The following KCTD16 variants were observed in gnomAD, a reference collection of about 807,000 sequenced individuals.
The protein encoded by KCTD16 is BTB/POZ domain-containing protein KCTD16.
A neutral mutation model predicts 33.2 loss-of-function variants in KCTD16; 13 were observed. That is an observed-to-expected ratio of 0.39 (90% CI 0.25 to 0.62). The LOEUF (loss-of-function observed/expected upper bound fraction) is 0.62, where lower values mean the gene tolerates loss of function less well. KCTD16 is among the 20% of genes least tolerant of loss of function. KCTD16 has a pLI of 0.50. For synonymous variants in KCTD16, 197 were observed against 195.3 expected, an observed-to-expected ratio of 1.01 and a Z score of -0.07; for missense variants, 441 against 525.1, an observed-to-expected ratio of 0.84 and a Z score of 1.57.
intron 3 of KCTD16, among the ~76,000 whole-genome samples, chr5:144,313,551 C>T (rs1366688362): frequency 2.0e-5 from 3 of 152,142 alleles, no homozygotes; most frequent in African/African-American, 7.2e-5. Context: ...TTTTTTAAAA[C>T]TGTGAGAACA....
intron 3 of KCTD16, among the ~76,000 whole-genome samples, chr5:144,424,652 G>A (rs180745906): frequency 5.3e-5 from 8 of 152,258 alleles, no homozygotes; most frequent in Admixed American, 2.0e-4. Context: ...ATTCAAGAGC[G>A]TGGCTTTGGT....
intron 3 of KCTD16, among the ~76,000 whole-genome samples, chr5:144,258,966 A>T (rs1754925981): frequency 6.6e-6 from 1 of 152,140 alleles, no homozygotes; most frequent in Non-Finnish European, 1.5e-5. Flanking sequence ...GAGCCATAAA[A>T]AAAGGGATGA....
At chr5:144,230,033 A>G (rs990534103) in intron 3 of KCTD16, among the ~76,000 whole-genome samples, 6 of 152,264 alleles carry the variant, frequency 3.9e-5, no homozygotes, top group Admixed American at 6.5e-5. Flanking sequence ...TCCTAGCTAC[A>G]TGGGAGGCTG....
At chr5:144,398,735 T>C (rs1265949266) in intron 3 of KCTD16, among the ~76,000 whole-genome samples, 1 of 146,700 alleles carries the variant, frequency 6.8e-6, no homozygotes, top group African/African-American at 2.7e-5. Context: ...CTCTCTCTTA[T>C]ATAAATGTAC....
intron 3 of KCTD16, among the ~76,000 whole-genome samples, chr5:144,219,089 T>C (rs2126801286): frequency 6.6e-6 from 1 of 152,288 alleles, no homozygotes; most frequent in East Asian, 1.9e-4. Flanking sequence ...TCCCTCCACA[T>C]AAAAGGGGGA....
chr5:144,365,778 A>G (rs1033038896), intron 3 of KCTD16, among the ~76,000 whole-genome samples: 11 of 152,204 alleles, frequency 7.2e-5, no homozygotes, highest in African/African-American at 2.4e-4. Context: ...AAGGTATATT[A>G]GAGAACTTAT....
chr5:144,245,970 A>C (rs1442429901), intron 3 of KCTD16, among the ~76,000 whole-genome samples: 2 of 152,156 alleles, frequency 1.3e-5, no homozygotes, highest in African/African-American at 4.8e-5. Context: ...TAACATGGGG[A>C]CACAAGATGG....
At chr5:144,243,902 C>G (rs1191631544) in intron 3 of KCTD16, among the ~76,000 whole-genome samples, 1 of 152,080 alleles carries the variant, frequency 6.6e-6, no homozygotes, top group South Asian at 2.1e-4. Flanking sequence ...CGCCATCACG[C>G]CCGGCTAATT....
intron 3 of KCTD16, among the ~76,000 whole-genome samples, chr5:144,414,190 G>A (rs191976088): frequency 6.6e-6 from 1 of 152,238 alleles, no homozygotes; most frequent in East Asian, 1.9e-4. Context: ...ATGATACCCT[G>A]TCATTTCTTC....
intron 3 of KCTD16, among the ~76,000 whole-genome samples, chr5:144,343,155 A>G (rs1752691703): frequency 6.6e-6 from 1 of 152,164 alleles, no homozygotes; most frequent in African/African-American, 2.4e-5. Context: ...AAGGAATGAT[A>G]CCAGTTCCTC....
At chr5:144,385,696 CA>C (rs1351587703) in intron 3 of KCTD16, among the ~76,000 whole-genome samples, 1 of 152,114 alleles carries the variant, frequency 6.6e-6, no homozygotes, top group Non-Finnish European at 1.5e-5. Flanking sequence ...CCCAAATTTG[CA>C]AAAATGTATA....
intron 1 of KCTD16, among the ~76,000 whole-genome samples, chr5:144,171,925 C>T (rs1032976319): frequency 3.3e-5 from 5 of 152,092 alleles, no homozygotes; most frequent in Non-Finnish European, 5.9e-5. Flanking sequence ...TATTGTGACT[C>T]GAAATAAGAT....
chr5:144,333,556 G>A (rs1210425861), intron 3 of KCTD16, among the ~76,000 whole-genome samples: 1 of 152,118 alleles, frequency 6.6e-6, no homozygotes. Flanking sequence ...TCAGCTGCAG[G>A]TGGTCCTGCA....
chr5:144,401,370 A>G (rs575535689), intron 3 of KCTD16, among the ~76,000 whole-genome samples: 12 of 152,190 alleles, frequency 7.9e-5, no homozygotes, highest in Non-Finnish European at 1.8e-4. Flanking sequence ...CTTAATTCCA[A>G]CTGGTGTAGG....
intron 3 of KCTD16, among the ~76,000 whole-genome samples, chr5:144,463,203 C>T (rs1754242765): frequency 6.6e-6 from 1 of 151,728 alleles, no homozygotes; most frequent in South Asian, 2.1e-4. Flanking sequence ...GTAGAAAGCC[C>T]ATGATGAGGG....
chr5:144,269,518 C>A (rs547577190), intron 3 of KCTD16, among the ~76,000 whole-genome samples: 53 of 152,076 alleles, frequency 3.5e-4, no homozygotes, highest in East Asian at 2.9e-3. Flanking sequence ...GAGGGAAAAA[C>A]CATTAATAAT....
chr5:144,357,645 T>A (rs998147063), intron 3 of KCTD16, among the ~76,000 whole-genome samples: 1 of 152,186 alleles, frequency 6.6e-6, no homozygotes, highest in African/African-American at 2.4e-5. Context: ...AATAGAAGAC[T>A]GTCTAAAGAA....
intron 3 of KCTD16, among the ~76,000 whole-genome samples, chr5:144,359,908 A>T (rs147468377): frequency 6.6e-6 from 1 of 152,028 alleles, no homozygotes; most frequent in African/African-American, 2.4e-5. Context: ...GGTAGAGAAG[A>T]TCTGTGATTT....
intron 3 of KCTD16, among the ~76,000 whole-genome samples, chr5:144,278,464 C>G (rs902975433): frequency 2.1e-5 from 3 of 140,790 alleles, no homozygotes; most frequent in Non-Finnish European, 4.6e-5. Flanking sequence ...ATTGTTTTGA[C>G]TATTTTTGTT....
Sources: gnomAD v4.1 joint callset for allele counts (sites outside exome capture counted in the v4.1 genomes callset) on GRCh38, gnomAD v4.1.1 for gene constraint, MANE v1.5 for transcripts, NCBI Gene and HGNC (gene_info 2026-07-23, HGNC 2026-07-21) for gene names.